KIF14: variants seen among roughly 807,000 people sequenced by gnomAD.
KIF14 encodes the protein kinesin-like protein KIF14.
Under a neutral mutation model 176.2 loss-of-function variants are expected in KIF14, and 98 were observed. That is an observed-to-expected ratio of 0.56 (90% CI 0.47 to 0.66). The LOEUF (loss-of-function observed/expected upper bound fraction) is 0.66. KIF14 is among the 30% of genes least tolerant of loss of function. The pLI, the probability that KIF14 is intolerant of heterozygous loss-of-function variation, is 0.00. For missense variants in KIF14, 1,751 were observed against 1,920.4 expected (o/e 0.91, Z 1.65); for synonymous variants, 566 against 632.2 (o/e 0.90, Z 1.57).
At chr1:200,611,719 C>T (rs73076362) in intron 4 of KIF14, among the ~76,000 whole-genome samples, 1,750 of 152,256 alleles carry the variant, frequency 0.011, 38 homozygotes, top group African/African-American at 0.04. Context: ...CTATTACCCC[C>T]ATCCACATAC....
Position 200,555,401 on chromosome 1 carries a change from G to A in KIF14, c.4407C>T (p.Asn1469=). 1 of 1,580,074 alleles carries A rather than the reference G, an allele frequency of 6.3e-7. No homozygotes were observed. Among genetic ancestry groups the A allele is most frequent in the Non-Finnish European group, 8.6e-7 (1 of 1,162,632 alleles). The change falls in exon 28 of 30, where the codon AAC becomes AAT. Residue 1469 remains asparagine (N), a synonymous_variant. Transcript: ENST00000367350. ...TTACAATTTTCGATTCAGCAAAGATGTTTTCAAGAGATCTAATCAATCCCA... is the reference window on the plus strand; with the variant it reads ...TTACAATTTTCGATTCAGCAAAGATATTTTCAAGAGATCTAATCAATCCCA... ...NAMGLIRSLE[N]IFAESKIKSF...
Position 200,602,054 on chromosome 1 carries a change from CTTTCT to C in KIF14, c.1989_1993del (p.Glu664SerfsTer14). On this transcript the variant is annotated frameshift_variant, in exon 11 of 30. Coordinates refer to ENST00000367350, the MANE Select transcript of KIF14 (RefSeq NM_014875.3). LOFTEE classifies it high-confidence loss of function. ...TGCAGTTTTTGAATTTCCACCCAGA[CTTTCT>C]TTTAACAGCCTACAAGAAAAAAAGT... is the stretch of plus-strand genomic sequence containing the variant. 6.2e-7 allele frequency: 1 copy of C among 1,611,760 alleles called. No individual in the cohort carries two copies. The highest frequency in any genetic ancestry group is 8.5e-7 in the Non-Finnish European group (1 of 1,179,368).
Position 200,555,469 on chromosome 1 carries a change from A to G in KIF14, c.4354-15T>C, listed in dbSNP as rs1571445858. Reference sequence around the variant, plus strand: ...TCTTTGGTAACCTATAGAGAATGTTAAAATATTTTATTATACTTTATTATT... The same window carrying G: ...TCTTTGGTAACCTATAGAGAATGTTGAAATATTTTATTATACTTTATTATT... On this transcript the variant is annotated splice_polypyrimidine_tract_variant and intron_variant, in intron 27 of 29. Coordinates refer to ENST00000367350, the MANE Select transcript of KIF14 (RefSeq NM_014875.3). 7.3e-7 allele frequency: 1 copy of G among 1,376,978 alleles called. No individual in the cohort carries two copies. The allele number at this position is 1,376,978 out of a possible 1,614,324, so 85.3% of individuals were successfully genotyped here. A position where few individuals can be genotyped will look rare whatever the true frequency, so the allele number is the denominator to read the frequency against.
intron 9 of KIF14, 29 bp from the exon 10 acceptor site, chr1:200,603,370 C>A: frequency 9.8e-7 from 1 of 1,019,742 alleles, no homozygotes; most frequent in Non-Finnish European, 1.5e-6. Flanking sequence ...AAATTTTTAA[C>A]TTAAAATACT....
At position 200,605,875 on chromosome 1, in the gene KIF14, C is replaced by A; in HGVS notation, c.1627G>T (p.Ala543Ser). The change falls in exon 7 of 30, where the codon GCT (alanine) becomes TCT (serine). Residue 543 changes from alanine to serine, a missense_variant. Physicochemically the swap from Ala to Ser is moderately conservative, Grantham distance 99 (BLOSUM62 1). Coordinates refer to ENST00000367350, the MANE Select transcript of KIF14 (RefSeq NM_014875.3). Reference protein sequence around the residue: ...ALSMNIVSSYADIQSWLELGN... With the variant: ...ALSMNIVSSYSDIQSWLELGN... ...AAAATCAATCTTACCTGGATATCAG[C>A]GTAAGAACTGACAATGTTCCTATTT... The A allele has an allele frequency of 2.6e-6, 4 of 1,527,438 alleles. No homozygotes were observed. Among genetic ancestry groups the A allele is most frequent in the Non-Finnish European group, 3.5e-6 (4 of 1,131,592 alleles). 94.6% of individuals were successfully genotyped at this position (1,527,438 alleles called of 1,614,324 possible).
At chr1:200,596,060 C>A in intron 14 of KIF14, among the ~76,000 whole-genome samples, 1 of 152,030 alleles carries the variant, frequency 6.6e-6, no homozygotes, top group East Asian at 1.9e-4. Context: ...TTGAGACCAG[C>A]CTGGCCAACA....
At chr1:200,564,625 A>AAAGACTCTG (rs1491256377) in intron 25 of KIF14, among the ~76,000 whole-genome samples, 1 of 152,158 alleles carries the variant, frequency 6.6e-6, no homozygotes, top group African/African-American at 2.4e-5. Context: ...ATACCCAGAG[A>AAAGACTCTG]AAGACTCTGT....
In KIF14 at chr1:200,618,396, T is replaced by G; in HGVS notation, c.328A>C (p.Thr110Pro). The change falls in exon 2 of 30, where the codon ACA becomes CCA. Residue 110 changes from threonine (T) to proline (P), a missense_variant. Coordinates refer to ENST00000367350, the MANE Select transcript of KIF14 (RefSeq NM_014875.3). ...SSLLVSELED[T>P]TEKTAETRLT... ...CGTGTTTCTGCTGTTTTTTCAGTTG[T>G]GTCTTCCAACTCACTAACAAGCAAA... is the stretch of plus-strand genomic sequence containing the variant. 1 of 1,614,216 alleles carries G rather than the reference T, an allele frequency of 6.2e-7. No homozygotes were observed. Among genetic ancestry groups the G allele is most frequent in the Non-Finnish European group, 8.5e-7 (1 of 1,180,034 alleles).
rs768499861 is a variant in KIF14 at position 200,618,718 on chromosome 1, T to C, written c.6A>G (p.Ser2=). M[S]LHSTHNRNNS... ...TATTTCTATTATGAGTACTGTGTAA[T>C]GACATTTTGGCAGACAGTTATTTTA... Residue 2 remains serine, a synonymous_variant, in exon 2 of 30, where the codon TCA becomes TCG. Coordinates refer to ENST00000367350, the MANE Select transcript of KIF14 (RefSeq NM_014875.3). 39 of 1,594,870 alleles carry C rather than the reference T, an allele frequency of 2.4e-5. No individual in the cohort carries two copies. In the Admixed American group the frequency reaches 4.8e-4, roughly 19 times the overall value.
intron 2 of KIF14, among the ~76,000 whole-genome samples, chr1:200,616,462 T>G (rs893311866): frequency 1.3e-5 from 2 of 152,210 alleles, no homozygotes; most frequent in Non-Finnish European, 2.9e-5. Flanking sequence ...GAGGCTCTAT[T>G]AGACATTCCA....
intron 29 of KIF14, 23 bp downstream of exon 29, chr1:200,554,445 A>G (rs750029644): frequency 6.9e-7 from 1 of 1,441,030 alleles, no homozygotes; most frequent in Admixed American, 2.0e-5. Context: ...TTCTGATTAT[A>G]AACTCCATTT....
chr1:200,587,286 T>C (rs1658801666), intron 18 of KIF14, among the ~76,000 whole-genome samples: 1 of 151,736 alleles, frequency 6.6e-6, no homozygotes, highest in Non-Finnish European at 1.5e-5. Flanking sequence ...ACTTCACCAC[T>C]ATATAATTCA....
chr1:200,604,933 C>T (rs1421831041), intron 8 of KIF14, among the ~76,000 whole-genome samples: 2 of 151,962 alleles, frequency 1.3e-5, no homozygotes, highest in Non-Finnish European at 2.9e-5. Flanking sequence ...TCAATGTTAT[C>T]ATGATAACAA....
rs1161063110 is a variant in KIF14, at chr1:200,615,584, C to T, written c.1138G>A (p.Val380Ile). The change falls in exon 3 of 30, where the codon GTA (valine) becomes ATA (isoleucine). Residue 380 changes from valine (V) to isoleucine (I), a missense_variant. Transcript: ENST00000367350. ...KREKIEKASQ[V>I]VFMSGKEITV... ...ATTTCTTTCCCACTCATGAAGACTA[C>T]CTGGGATGCTTTTTCAATCTTCTCT... 6.2e-7 allele frequency: 1 copy of T among 1,610,186 alleles called. No individual in the cohort carries two copies. Among genetic ancestry groups the T allele is most frequent in the East Asian group, 2.2e-5 (1 of 44,864 alleles).
rs1040962800 is a variant in KIF14, at chr1:200,551,936, T to C, written c.*1452A>G. 8.5e-5 allele frequency: 13 copies of C among 152,246 alleles called. No homozygotes were observed. The highest frequency in any genetic ancestry group is 1.7e-4 in the African/African-American group (7 of 41,470). The allele number at this position is 152,246 out of a possible 1,614,324, so 9.4% of individuals were successfully genotyped here. On this transcript the variant is annotated 3_prime_UTR_variant, in exon 30 of 30. Coordinates refer to ENST00000367350, the MANE Select transcript of KIF14 (RefSeq NM_014875.3). ...AAGAAATGAAAGCAAATGTGCTACA[T>C]TGTACCATTTTAAAGAGCTTGAAAA...
At chr1:200,597,837 C>A (rs1185869238) in intron 14 of KIF14, among the ~76,000 whole-genome samples, 2 of 152,220 alleles carry the variant, frequency 1.3e-5, no homozygotes, top group East Asian at 3.8e-4. Context: ...CATACGCTAT[C>A]ATTCCAACAA....
intron 15 of KIF14, 138 bp from the exon 16 acceptor site, chr1:200,592,378 A>C (rs954598699): frequency 1.9e-5 from 13 of 680,144 alleles, no homozygotes; most frequent in Non-Finnish European, 3.1e-5. Context: ...AACATTTATT[A>C]CTTTTTTTTT....
At chr1:200,581,119 A>AAAG in intron 20 of KIF14, 82 bp downstream of exon 20, 1 of 589,272 alleles carries the variant, frequency 1.7e-6, no homozygotes, top group Non-Finnish European at 2.7e-6. Context: ...GTCTCAGAAA[A>AAAG]AAAAAAAAAA....
chr1:200,617,647 C>T lies in KIF14; in HGVS notation c.1077G>A (p.Val359=). ...KDPLKVENSQ[V]TVAVRVRPFT... ...AAGGTCTTACGCGTACTGCCACTGT[C>T]ACTTGACTATTCTCTACTTTTAAGG... The change falls in exon 2 of 30, where the codon GTG becomes GTA. Residue 359 remains valine, a synonymous_variant. Coordinates refer to ENST00000367350, the MANE Select transcript of KIF14 (RefSeq NM_014875.3). The T allele has an allele frequency of 1.2e-6, 2 of 1,613,056 alleles. No individual in the cohort carries two copies. Among genetic ancestry groups the T allele is most frequent in the Non-Finnish European group, 1.7e-6 (2 of 1,179,390 alleles).
Sources: allele counts gnomAD v4.1 joint callset (sites outside exome capture counted in the v4.1 genomes callset), GRCh38; gene constraint gnomAD v4.1.1; transcripts MANE v1.5; gene names NCBI Gene and HGNC (gene_info 2026-07-23, HGNC 2026-07-21).